FZR1: variants seen among roughly 807,000 people sequenced by gnomAD.
FZR1 encodes the protein fizzy and cell division cycle 20 related 1.
FZR1 carries 11 observed loss-of-function variants against 63.6 expected under a neutral mutation model. That is an observed-to-expected ratio of 0.17 (90% CI 0.11 to 0.29). The LOEUF is 0.29. Among genes scored for constraint, FZR1 ranks in the 10% least tolerant of loss-of-function variants. FZR1 has a pLI of 1.00. For missense variants in FZR1, 440 were observed against 687.5 expected, an observed-to-expected ratio of 0.64 and a Z score of 4.03; for synonymous variants, 328 against 297.9, an observed-to-expected ratio of 1.10 and a Z score of -1.04.
intron 13 of FZR1, 59 bp downstream of exon 13, chr19:3,534,572 C>A: frequency 8.5e-7 from 1 of 1,179,788 alleles, no homozygotes; most frequent in East Asian, 2.4e-5. Context: ...CAGGGTCGTC[C>A]CTGTCCCCAC....
intron 6 of FZR1, among the ~76,000 whole-genome samples, 194 bp downstream of exon 6, chr19:3,527,256 G>GCA (rs2083169677): frequency 6.6e-6 from 1 of 152,208 alleles, no homozygotes; most frequent in African/African-American, 2.4e-5. Flanking sequence ...AGGGGCCCCA[G>GCA]CCCCCCATGA....
At chr19:3,506,884 C>T (rs540702696) in intron 1 of FZR1, among the ~76,000 whole-genome samples, 3 of 152,304 alleles carry the variant, frequency 2.0e-5, no homozygotes, top group East Asian at 1.9e-4. Flanking sequence ...TTCTCCCTGG[C>T]CTGTCATCCC....
intron 2 of FZR1, among the ~76,000 whole-genome samples, chr19:3,523,661 G>A (rs2083124304): frequency 6.6e-6 from 1 of 152,248 alleles, no homozygotes; most frequent in South Asian, 2.1e-4. Flanking sequence ...ACGGCCACCA[G>A]TCCCTGCCCT....
At chr19:3,523,572 G>A (rs746268127) in intron 2 of FZR1, among the ~76,000 whole-genome samples, 6 of 152,206 alleles carry the variant, frequency 3.9e-5, no homozygotes, top group Non-Finnish European at 5.9e-5. Flanking sequence ...CGACTCCTGC[G>A]GGGGGCTGAG....
At chr19:3,524,815 T>G in intron 2 of FZR1, among the ~76,000 whole-genome samples, 1 of 152,154 alleles carries the variant, frequency 6.6e-6, no homozygotes, top group East Asian at 1.9e-4. Context: ...AACCATCTGC[T>G]TGTGTCTCTG....
chr19:3,532,590 G>A lies in FZR1; in HGVS notation c.1182G>A (p.Gln394=). ...FWNTLTGQPL[Q]CIDTGSQVCN... ...ACACGCTGACAGGACAACCACTGCA[G>A]TGTATCGACACGGGCTCCCAAGTGT... The change falls in exon 11 of 14, where the codon CAG becomes CAA. Residue 394 remains glutamine (Q), a synonymous_variant. Coordinates refer to ENST00000441788, the MANE Select transcript of FZR1 (RefSeq NM_016263.4). 6.2e-7 allele frequency: 1 copy of A among 1,612,800 alleles called. No homozygotes were observed. The highest frequency in any genetic ancestry group is 8.5e-7 in the Non-Finnish European group (1 of 1,179,858).
chr19:3,508,278 C>T (rs1272090053), intron 1 of FZR1, among the ~76,000 whole-genome samples: 2 of 143,660 alleles, frequency 1.4e-5, no homozygotes, highest in Non-Finnish European at 3.0e-5. Flanking sequence ...CTCACCGCAA[C>T]CTCTGCCTCC....
intron 7 of FZR1, among the ~76,000 whole-genome samples, chr19:3,529,491 CAG>C: frequency 8.9e-6 from 1 of 112,656 alleles, no homozygotes. Flanking sequence ...GATGGGAGAG[CAG>C]ATGGGTGAGC....
At position 3,514,528 on chromosome 19, in the gene FZR1, G is replaced by T. The variant is rs923956386; in HGVS notation, c.-35+8054G>T. Among the ~76,000 whole-genome samples, 13 of 152,086 alleles carry T rather than the reference G, an allele frequency of 8.5e-5. No individual in the cohort carries two copies. Among genetic ancestry groups the T allele is most frequent in the Non-Finnish European group, 1.9e-4 (13 of 67,998 alleles). ...CATCACCATATATCATACCCTGGGG[G>T]CAGAATCACCCTGGTTAAGACCCCC... On this transcript the variant is annotated intron_variant, in intron 1 of 13. Coordinates refer to ENST00000441788, the MANE Select transcript of FZR1 (RefSeq NM_016263.4). This position sits in a 1 kb window ranked among gnomAD's most constrained non-coding sequence, Gnocchi z 4.2.
At chr19:3,527,964 G>GCCCTCCCAGCCACTA (rs964230406) in intron 7 of FZR1, 150 bp downstream of exon 7, 22 of 560,578 alleles carry the variant, frequency 3.9e-5, no homozygotes, top group Non-Finnish European at 6.3e-5. Flanking sequence ...CCCAGCCACA[G>GCCCTCCCAGCCACTA]CCCTCCCAGC....
intron 1 of FZR1, among the ~76,000 whole-genome samples, chr19:3,519,672 C>G (rs1441064557): frequency 6.6e-6 from 1 of 152,216 alleles, no homozygotes; most frequent in Non-Finnish European, 1.5e-5. Flanking sequence ...AGCTGACGTC[C>G]TCTGTGGCTG....
In FZR1 at chr19:3,526,704, T is replaced by C. The variant is rs1440195824; in HGVS notation, c.388-276T>C. On this transcript the variant is annotated intron_variant, in intron 5 of 13. Transcript: ENST00000441788. This position sits in a 1 kb window ranked among gnomAD's most constrained non-coding sequence, Gnocchi z 5.4. ...GGGTCCTGCCCGTAGGGGGCAGTAC[T>C]GGGTCCTCCCACAGGGCCCCACTCT... is the stretch of plus-strand genomic sequence containing the variant. 6.7e-6 allele frequency among the ~76,000 whole-genome samples: 1 copy of C among 148,582 alleles called. No homozygotes were observed. The highest frequency in any genetic ancestry group is 2.4e-5 in the African/African-American group (1 of 40,926).
chr19:3,534,914 C>A lies in FZR1; in HGVS notation c.*78C>A. On this transcript the variant is annotated 3_prime_UTR_variant, in exon 14 of 14. Transcript: ENST00000441788. ...GCTCCTCAGCTTGCATGGACTCTGC[C>A]TTCCCAGCGCTTGTCCCCCGAGGAA... 1 of 1,162,206 alleles carries A rather than the reference C, an allele frequency of 8.6e-7. No homozygotes were observed. The highest frequency in any genetic ancestry group is 1.2e-5 in the South Asian group (1 of 82,028). 72.0% of individuals were successfully genotyped at this position (1,162,206 alleles called of 1,614,324 possible).
chr19:3,515,088 G>A lies in FZR1; in HGVS notation c.-34-7868G>A, dbSNP rs1214686164. Among the ~76,000 whole-genome samples, 2 of 152,306 alleles carry A rather than the reference G, an allele frequency of 1.3e-5. No individual in the cohort carries two copies. The highest frequency in any genetic ancestry group is 2.4e-5 in the African/African-American group (1 of 41,562). On this transcript the variant is annotated intron_variant, in intron 1 of 13. Transcript: ENST00000441788. The surrounding 1 kb of genome is among the most constrained non-coding windows in gnomAD (Gnocchi z 4.6). ...CCCAGACCAGGGCAACCAAGCTGCA[G>A]GTGTCGGCCACACAGGCAGAGCCAC...
intron 8 of FZR1, among the ~76,000 whole-genome samples, chr19:3,531,388 A>G (rs2083245378): frequency 6.6e-6 from 1 of 152,196 alleles, no homozygotes; most frequent in Admixed American, 6.5e-5. Flanking sequence ...CATGTTGCCC[A>G]GCTCCTGGGC....
At chr19:3,517,188 G>A (rs1445083351) in intron 1 of FZR1, among the ~76,000 whole-genome samples, 5 of 150,572 alleles carry the variant, frequency 3.3e-5, no homozygotes, top group Non-Finnish European at 7.4e-5. Flanking sequence ...CCAGAAGTTC[G>A]AGACCAGCCT....
At chr19:3,528,669 G>A (rs948024385) in intron 7 of FZR1, among the ~76,000 whole-genome samples, 3 of 150,504 alleles carry the variant, frequency 2.0e-5, no homozygotes, top group African/African-American at 7.3e-5. Context: ...GAGAATGGAT[G>A]AGAGAGTGGA....
chr19:3,531,319 C>T (rs1160378591), intron 8 of FZR1, among the ~76,000 whole-genome samples: 2 of 152,190 alleles, frequency 1.3e-5, no homozygotes, highest in South Asian at 4.1e-4. Context: ...TGTGCGCTCA[C>T]CCTCCCTCCA....
At chr19:3,506,852 C>G (rs1190666114) in intron 1 of FZR1, among the ~76,000 whole-genome samples, 2 of 152,148 alleles carry the variant, frequency 1.3e-5, no homozygotes, top group African/African-American at 4.8e-5. Context: ...AACAGCAGAC[C>G]CCGCCTCCTA....
Sources: allele counts gnomAD v4.1 joint callset (sites outside exome capture counted in the v4.1 genomes callset), GRCh38; gene constraint gnomAD v4.1.1; non-coding constraint Gnocchi (gnomAD v3.1); transcripts MANE v1.5; gene names NCBI Gene and HGNC (gene_info 2026-07-23, HGNC 2026-07-21).